Variants in ZNF385D observed in about 807,000 individuals in gnomAD.
ZNF385D encodes the protein zinc finger protein 385D, also known as zinc finger protein 659.
A neutral mutation model predicts 35.8 loss-of-function variants in ZNF385D; 15 were observed. The observed-to-expected ratio is 0.42, with a 90% CI of 0.28 to 0.64. ZNF385D has a LOEUF of 0.64. ZNF385D is among the 30% of genes least tolerant of loss of function. ZNF385D has a pLI of 0.23. For synonymous variants in ZNF385D, 212 were observed against 186.8 expected, an observed-to-expected ratio of 1.13 and a Z score of -1.10; for missense variants, 474 against 494.6, an observed-to-expected ratio of 0.96 and a Z score of 0.39.
At chr3:21,664,527 T>C (rs145933956) in intron 2 of ZNF385D, among the ~76,000 whole-genome samples, 75 of 152,284 alleles carry the variant, frequency 4.9e-4, no homozygotes, top group African/African-American at 1.7e-3. Context: ...AAGAAACACA[T>C]TTTTAATTTT....
intron 3 of ZNF385D, among the ~76,000 whole-genome samples, chr3:21,884,165 T>C (rs952316312): frequency 2.6e-5 from 4 of 152,054 alleles, no homozygotes; most frequent in Non-Finnish European, 5.9e-5. Context: ...GAACCTGAAA[T>C]CTATTTTTCC....
At chr3:21,865,929 G>T (rs547337586) in intron 3 of ZNF385D, among the ~76,000 whole-genome samples, 1 of 151,830 alleles carries the variant, frequency 6.6e-6, no homozygotes. Context: ...TAATGCGAAG[G>T]ACACTCATGA....
At chr3:21,616,816 C>T (rs866202291) in intron 2 of ZNF385D, among the ~76,000 whole-genome samples, 1 of 152,136 alleles carries the variant, frequency 6.6e-6, no homozygotes, top group Non-Finnish European at 1.5e-5. Flanking sequence ...ATGAAAATTA[C>T]TAACACAGGT....
chr3:22,360,529 A>AT (rs1204414136), intron 2 of ZNF385D, among the ~76,000 whole-genome samples: 1 of 151,948 alleles, frequency 6.6e-6, no homozygotes, highest in Non-Finnish European at 1.5e-5. Context: ...TAATATATTA[A>AT]TTTTATCATT....
chr3:21,722,635 C>T (rs1410360811), intron 1 of ZNF385D, among the ~76,000 whole-genome samples: 2 of 152,232 alleles, frequency 1.3e-5, no homozygotes, highest in South Asian at 2.1e-4. Flanking sequence ...GACCCATGAA[C>T]ATTCCATGTC....
chr3:22,131,096 T>A (rs1576371743), intron 3 of ZNF385D, among the ~76,000 whole-genome samples: 2 of 152,112 alleles, frequency 1.3e-5, no homozygotes, highest in South Asian at 4.1e-4. Context: ...GTTAAATTCA[T>A]GATGTTTGGA....
At chr3:21,602,784 C>T (rs1469717590) in intron 2 of ZNF385D, among the ~76,000 whole-genome samples, 2 of 151,776 alleles carry the variant, frequency 1.3e-5, no homozygotes, top group African/African-American at 2.4e-5. Flanking sequence ...CCACCCGCCT[C>T]GGCCTCCCAA....
chr3:22,136,109 C>A (rs973396228), intron 3 of ZNF385D, among the ~76,000 whole-genome samples: 4 of 152,096 alleles, frequency 2.6e-5, no homozygotes, highest in African/African-American at 9.7e-5. Flanking sequence ...AGAGGCCAGG[C>A]GTGGTGGCTC....
At chr3:22,331,461 G>A (rs958947629) in intron 2 of ZNF385D, among the ~76,000 whole-genome samples, 8 of 152,052 alleles carry the variant, frequency 5.3e-5, no homozygotes, top group African/African-American at 1.9e-4. Flanking sequence ...AGCTATATAT[G>A]ACCATAACAT....
chr3:22,222,835 A>C (rs1698340859), intron 2 of ZNF385D, among the ~76,000 whole-genome samples: 1 of 152,222 alleles, frequency 6.6e-6, no homozygotes, highest in Admixed American at 6.5e-5. Flanking sequence ...ATTGCTACCA[A>C]AATAAGAACC....
rs71044967 is a variant in ZNF385D at position 22,030,256 on chromosome 3, CATATATATATATAT to C, written c.325+138547_325+138560del. On this transcript the variant is annotated intron_variant, in intron 3 of 5. Coordinates refer to the ZNF385D transcript ENST00000494108. Reference sequence around the variant, plus strand: ...CAAGTTAATACTTAATAAACTCATTCATATATATATATATATATATATATATATATATATATATA... The same window carrying C: ...CAAGTTAATACTTAATAAACTCATTCATATATATATATATATATATATATA... Among the ~76,000 whole-genome samples, 187 of 21,738 alleles carry C rather than the reference CATATATATATATAT, an allele frequency of 8.6e-3. 5 individuals are homozygous for C. The highest frequency in any genetic ancestry group is 0.024 in the Admixed American group (27 of 1,104). The allele number at this position is 21,738 out of a possible 152,430, so 14.3% of individuals were successfully genotyped here. A position where few individuals can be genotyped will look rare whatever the true frequency, so the allele number is the denominator to read the frequency against.
chr3:21,769,978 C>A (rs939573701), intron 3 of ZNF385D, among the ~76,000 whole-genome samples: 2 of 152,074 alleles, frequency 1.3e-5, no homozygotes, highest in Non-Finnish European at 2.9e-5. Context: ...CAAAAACAAG[C>A]AATGGGGAAC....
At chr3:21,424,101 ATCATCTGC>A in intron 6 of ZNF385D, 37 bp from the exon 7 acceptor site, 1 of 1,524,532 alleles carries the variant, frequency 6.6e-7, no homozygotes. Context: ...CTTTAAAAAA[ATCATCTGC>A]AAAAACCTCT....
intron 3 of ZNF385D, among the ~76,000 whole-genome samples, chr3:22,021,890 G>C (rs1297363793): frequency 1.3e-5 from 2 of 152,070 alleles, no homozygotes; most frequent in African/African-American, 2.4e-5. Flanking sequence ...GGAATGTTTA[G>C]AATAATTCCC....
At chr3:22,223,555 A>T (rs1298542960) in intron 2 of ZNF385D, among the ~76,000 whole-genome samples, 1 of 152,170 alleles carries the variant, frequency 6.6e-6, no homozygotes, top group Non-Finnish European at 1.5e-5. Context: ...GAGGTGGTTG[A>T]AAGTATGTGG....
chr3:21,526,506 G>T (rs3843876), intron 3 of ZNF385D, among the ~76,000 whole-genome samples: 1 of 151,900 alleles, frequency 6.6e-6, no homozygotes. Flanking sequence ...TGCAAAAGTG[G>T]TGCAAGAAGA....
intron 3 of ZNF385D, among the ~76,000 whole-genome samples, chr3:22,012,800 T>C (rs1228320682): frequency 6.6e-6 from 1 of 152,132 alleles, no homozygotes; most frequent in Non-Finnish European, 1.5e-5. Flanking sequence ...TCTTAGGAAC[T>C]GGTAATCAGC....
At chr3:22,328,087 T>A (rs4622914) in intron 2 of ZNF385D, among the ~76,000 whole-genome samples, 38,343 of 152,056 alleles carry the variant, frequency 0.25, 5,301 homozygotes, top group Non-Finnish European at 0.31. Context: ...TTTCTTTTTG[T>A]CTGATGATTT....
chr3:22,188,809 G>T (rs572059607), intron 2 of ZNF385D, among the ~76,000 whole-genome samples: 4 of 152,090 alleles, frequency 2.6e-5, no homozygotes, highest in African/African-American at 9.7e-5. Context: ...CATGGTATTA[G>T]GAACTTTTTG....
Sources: allele counts gnomAD v4.1 joint callset (sites outside exome capture counted in the v4.1 genomes callset), GRCh38; gene constraint gnomAD v4.1.1; transcripts MANE v1.5; gene names NCBI Gene and HGNC (gene_info 2026-07-23, HGNC 2026-07-21).